Variants in PUS7 observed in about 807,000 individuals in gnomAD.
The protein encoded by PUS7 is pseudouridylate synthase 7 homolog.
Under a neutral mutation model 79.8 loss-of-function variants are expected in PUS7, and 48 were observed. The observed-to-expected ratio is 0.60, with a 90% CI of 0.48 to 0.76. PUS7 has a LOEUF of 0.76. Among genes scored for constraint, PUS7 ranks in the 30% least tolerant of loss-of-function variants. The pLI is 0.00. For missense variants in PUS7, 729 were observed against 797.6 expected (o/e 0.91, Z 1.04); for synonymous variants, 286 against 272.2 (o/e 1.05, Z -0.50).
At chr7:105,506,368 C>A in intron 2 of PUS7, 95 bp from the exon 3 acceptor site, 4 of 826,432 alleles carry the variant, frequency 4.8e-6, no homozygotes, top group South Asian at 3.7e-5. Flanking sequence ...TACTATTATG[C>A]AAAACAAGGA....
intron 5 of PUS7, among the ~76,000 whole-genome samples, chr7:105,501,969 A>AATAT (rs4006346): frequency 1.1e-4 from 8 of 73,714 alleles, no homozygotes; most frequent in South Asian, 4.9e-4. Context: ...AAAAAAAAAA[A>AATAT]ATATATATAT....
intron 1 of PUS7, among the ~76,000 whole-genome samples, chr7:105,516,968 G>C (rs1010327672): frequency 2.0e-5 from 3 of 151,950 alleles, no homozygotes; most frequent in South Asian, 2.1e-4. Flanking sequence ...AGGGGGGAGA[G>C]GGCAGTTTTA....
intron 15 of PUS7, 81 bp from the exon 16 acceptor site, chr7:105,458,007 A>G: frequency 6.6e-7 from 1 of 1,507,426 alleles, no homozygotes; most frequent in Admixed American, 2.1e-5. Context: ...CTCTAAGCAA[A>G]TACAAAGAAC....
chr7:105,480,716 C>T (rs766398368), intron 9 of PUS7, among the ~76,000 whole-genome samples: 1 of 152,026 alleles, frequency 6.6e-6, no homozygotes, highest in Admixed American at 6.6e-5. Flanking sequence ...GCAGAGGATG[C>T]GGTGAGCCGA....
chr7:105,463,211 T>G (rs140778562), intron 13 of PUS7, among the ~76,000 whole-genome samples: 2 of 152,330 alleles, frequency 1.3e-5, no homozygotes, highest in East Asian at 3.9e-4. Context: ...TTTATAGCAC[T>G]CAAGAGAGAC....
At chr7:105,472,601 A>C (rs1216786982) in intron 9 of PUS7, among the ~76,000 whole-genome samples, 1 of 152,210 alleles carries the variant, frequency 6.6e-6, no homozygotes, top group Non-Finnish European at 1.5e-5. Flanking sequence ...GAAATGTAAA[A>C]GAACTTCAAG....
chr7:105,520,768 T>C (rs1204737296), intron 1 of PUS7, among the ~76,000 whole-genome samples: 3 of 151,804 alleles, frequency 2.0e-5, no homozygotes, highest in East Asian at 1.9e-4. Flanking sequence ...CCGAGTGTGG[T>C]TGCTCAAGCC....
chr7:105,499,571 T>C (rs776556416), intron 5 of PUS7, among the ~76,000 whole-genome samples: 10 of 152,210 alleles, frequency 6.6e-5, no homozygotes, highest in Non-Finnish European at 1.3e-4. Flanking sequence ...AAATCACATA[T>C]ACATTTTGGT....
intron 2 of PUS7, 113 bp downstream of exon 2, chr7:105,508,002 A>G: frequency 3.7e-6 from 5 of 1,349,748 alleles, no homozygotes; most frequent in Non-Finnish European, 4.9e-6. Flanking sequence ...TTTGATCAGT[A>G]GTATAAACAA....
At chr7:105,515,140 C>A (rs2692428) in intron 1 of PUS7, among the ~76,000 whole-genome samples, 1 of 152,042 alleles carries the variant, frequency 6.6e-6, no homozygotes, top group African/African-American at 2.4e-5. Flanking sequence ...TAGAGAGGAA[C>A]TTTCCCTTTG....
chr7:105,510,381 A>C (rs1825655530), intron 1 of PUS7, among the ~76,000 whole-genome samples: 1 of 152,202 alleles, frequency 6.6e-6, no homozygotes, highest in Non-Finnish European at 1.5e-5. Flanking sequence ...GTCATACCAC[A>C]TTAAAAAAAA....
intron 1 of PUS7, among the ~76,000 whole-genome samples, chr7:105,519,709 A>G (rs1305000824): frequency 1.3e-5 from 2 of 152,232 alleles, no homozygotes; most frequent in African/African-American, 4.8e-5. Context: ...GTATTTGAGA[A>G]TATATCTGAG....
chr7:105,486,670 A>T (rs1301455333), intron 7 of PUS7, among the ~76,000 whole-genome samples: 2 of 152,120 alleles, frequency 1.3e-5, no homozygotes, highest in Non-Finnish European at 2.9e-5. Flanking sequence ...GCTGTCCTAG[A>T]GAGAGTGTTC....
Position 105,468,475 on chromosome 7 carries a change from G to GA in PUS7, c.1399-13dup. On this transcript the variant is annotated splice_polypyrimidine_tract_variant and intron_variant, in intron 11 of 15. Coordinates refer to ENST00000469408, the MANE Select transcript of PUS7 (RefSeq NM_019042.5). The stretch of plus-strand genomic sequence containing the variant: ...TTATTTCTGGGTATCTGGAGGGAAG[G>GA]AAAAAAATAGGCAAGAAAACATATT... The GA allele has an allele frequency of 1.9e-6, 3 of 1,561,922 alleles. No homozygotes were observed. Among genetic ancestry groups the GA allele is most frequent in the East Asian group, 2.3e-5 (1 of 43,842 alleles).
intron 9 of PUS7, among the ~76,000 whole-genome samples, chr7:105,478,055 C>T (rs913424574): frequency 3.3e-5 from 5 of 152,130 alleles, no homozygotes; most frequent in African/African-American, 7.2e-5. Context: ...GTGATCCTGC[C>T]GCCTTGGCCT....
At chr7:105,485,303 G>A (rs986180111) in intron 7 of PUS7, among the ~76,000 whole-genome samples, 3 of 151,390 alleles carry the variant, frequency 2.0e-5, no homozygotes, top group East Asian at 2.0e-4. Flanking sequence ...TCCGCTTCCC[G>A]GGTTCAACCG....
intron 9 of PUS7, among the ~76,000 whole-genome samples, chr7:105,475,567 C>G (rs952001742): frequency 1.1e-4 from 16 of 152,146 alleles, no homozygotes; most frequent in African/African-American, 3.9e-4. Context: ...CCTGATCTGC[C>G]TGCCTTGGCT....
chr7:105,493,673 A>G (rs544420190), intron 6 of PUS7, among the ~76,000 whole-genome samples: 1 of 152,298 alleles, frequency 6.6e-6, no homozygotes, highest in East Asian at 1.9e-4. Flanking sequence ...TCTGACTGGT[A>G]TCCTCCTAAG....
chr7:105,476,895 AT>A (rs1184588946), intron 9 of PUS7, among the ~76,000 whole-genome samples: 2 of 152,152 alleles, frequency 1.3e-5, no homozygotes, highest in African/African-American at 2.4e-5. Flanking sequence ...TTGGAAACAC[AT>A]TTATTGAAAT....
Sources: gnomAD v4.1 joint callset for allele counts (sites outside exome capture counted in the v4.1 genomes callset) on GRCh38, gnomAD v4.1.1 for gene constraint, MANE v1.5 for transcripts, NCBI Gene and HGNC (gene_info 2026-07-23, HGNC 2026-07-21) for gene names.